The following LYPLAL1 variants were observed in gnomAD, a reference collection of about 807,000 sequenced individuals.
The protein encoded by LYPLAL1 is lysophospholipase-like protein 1.
In LYPLAL1, 23 loss-of-function variants were observed where a neutral mutation model predicts 19.7. The ratio of observed to expected loss-of-function variants is 1.17; its 90% CI spans 0.84 to 1.65. The LOEUF (loss-of-function observed/expected upper bound fraction) is 1.65, where lower values mean the gene tolerates loss of function less well. Among genes scored for constraint, LYPLAL1 ranks in the 40% most tolerant of loss-of-function variants. The probability of loss-of-function intolerance (pLI) is 0.00; values close to 1 mark genes in which losing one functional copy is unlikely to be tolerated. For missense variants in LYPLAL1, 355 were observed against 279.4 expected, an observed-to-expected ratio of 1.27 and a Z score of -1.93; for synonymous variants, 119 against 96.3, an observed-to-expected ratio of 1.24 and a Z score of -1.38.
chr1:219,335,546 A>G, the LYPLAL1 span, among the ~76,000 whole-genome samples: 1 of 151,986 alleles, frequency 6.6e-6, no homozygotes, highest in Non-Finnish European at 1.5e-5. Context: ...TGGTAAGAGA[A>G]AAAATGGGGT....
the LYPLAL1 span, among the ~76,000 whole-genome samples, chr1:219,396,030 G>A: frequency 6.6e-6 from 1 of 151,536 alleles, no homozygotes; most frequent in Non-Finnish European, 1.5e-5. Flanking sequence ...GTGAACCTGG[G>A]AGGTAGAGCT....
At chr1:219,395,962 G>T in the LYPLAL1 span, among the ~76,000 whole-genome samples, 1 of 151,986 alleles carries the variant, frequency 6.6e-6, no homozygotes, top group Non-Finnish European at 1.5e-5. Context: ...AATTAGCCGG[G>T]CATGGTGGCG....
At chr1:219,422,591 G>T in the LYPLAL1 span, among the ~76,000 whole-genome samples, 1 of 152,028 alleles carries the variant, frequency 6.6e-6, no homozygotes, top group Non-Finnish European at 1.5e-5. Context: ...AATAGCTTGA[G>T]CCCAACCATT....
the LYPLAL1 span, among the ~76,000 whole-genome samples, chr1:219,339,247 C>A: frequency 1.3e-5 from 2 of 151,994 alleles, no homozygotes; most frequent in South Asian, 2.1e-4. Context: ...GACTGAGTCC[C>A]AGATCCTCTT....
the LYPLAL1 span, among the ~76,000 whole-genome samples, chr1:219,345,424 C>T: frequency 6.6e-6 from 1 of 152,122 alleles, no homozygotes; most frequent in Admixed American, 6.5e-5. Flanking sequence ...GCTGCTGCTG[C>T]TTGTGATGAA....
chr1:219,438,353 T>C, the LYPLAL1 span, among the ~76,000 whole-genome samples: 6,645 of 152,246 alleles, frequency 0.044, 230 homozygotes, highest in African/African-American at 0.098. Context: ...TCATTATATT[T>C]CTTAAGGTAG....
chr1:219,202,447 T>G (rs1658190837), intron 3 of LYPLAL1, among the ~76,000 whole-genome samples: 1 of 152,180 alleles, frequency 6.6e-6, no homozygotes. Flanking sequence ...TCCCTCTTTC[T>G]TTTTCATTGC....
chr1:219,277,456 C>T, the LYPLAL1 span, among the ~76,000 whole-genome samples: 1 of 152,086 alleles, frequency 6.6e-6, no homozygotes, highest in Non-Finnish European at 1.5e-5. Flanking sequence ...GGGTTTAGAA[C>T]TCATTTCACT....
the LYPLAL1 span, among the ~76,000 whole-genome samples, chr1:219,231,852 T>C: frequency 8.5e-5 from 13 of 152,344 alleles, no homozygotes; most frequent in African/African-American, 2.9e-4. Flanking sequence ...AAAGGCTATG[T>C]CAAATAACTA....
chr1:219,316,017 G>C, the LYPLAL1 span, among the ~76,000 whole-genome samples: 1 of 152,084 alleles, frequency 6.6e-6, no homozygotes, highest in Non-Finnish European at 1.5e-5. Context: ...TACGTATAAG[G>C]ACAAACCTAT....
rs375664243 is a variant in LYPLAL1 at position 219,173,935 on chromosome 1, G to T, written c.45G>T (p.Ser15=). 3 of 1,613,900 alleles carry T rather than the reference G, an allele frequency of 1.9e-6. No individual in the cohort carries two copies. Among genetic ancestry groups the T allele is most frequent in the Non-Finnish European group, 2.5e-6 (3 of 1,179,962 alleles). ...SGSVLQRCIV[S]PAGRHSASLI... ...CGGTTCTGCAGCGCTGTATCGTGTC[G>T]CCGGCAGGGAGGCATAGCGCCTCTC... is the stretch of plus-strand genomic sequence containing the variant. The change falls in exon 1 of 5, where the codon TCG becomes TCT. Residue 15 remains serine (S), a synonymous_variant. Coordinates refer to ENST00000366928, the MANE Select transcript of LYPLAL1 (RefSeq NM_138794.5).
chr1:219,212,882 A>G (rs372325743), downstream of LYPLAL1: 1 of 152,032 alleles, frequency 6.6e-6, no homozygotes, highest in East Asian at 1.9e-4. Flanking sequence ...GCATCGACCT[A>G]TGTTATTTTT....
the LYPLAL1 span, among the ~76,000 whole-genome samples, chr1:219,437,552 T>A: frequency 1.3e-5 from 2 of 151,988 alleles, no homozygotes; most frequent in Admixed American, 6.6e-5. Context: ...ATAGGAGGGA[T>A]CTCACATAGA....
chr1:219,211,636 A>G lies in LYPLAL1; in HGVS notation c.622A>G (p.Asn208Asp), dbSNP rs774144709. 1.8e-5 allele frequency: 29 copies of G among 1,613,376 alleles called. No homozygotes were observed. Among genetic ancestry groups the G allele is most frequent in the African/African-American group, 2.7e-5 (2 of 74,902 alleles). Reference sequence around the variant, plus strand: ...GACCACGAAGTTTCATAGTTTTCCAAATGTTTACCATGAGCTAAGCAAAAC... The same window carrying G: ...GACCACGAAGTTTCATAGTTTTCCAGATGTTTACCATGAGCTAAGCAAAAC... ...GVTTKFHSFP[N>D]VYHELSKTEL... Residue 208 changes from asparagine to aspartate, a missense_variant, in exon 5 of 5, where the codon AAT becomes GAT. Asn to Asp is a conservative substitution (Grantham distance 23, BLOSUM62 1). Coordinates refer to ENST00000366928, the MANE Select transcript of LYPLAL1 (RefSeq NM_138794.5).
chr1:219,252,969 T>C, the LYPLAL1 span, among the ~76,000 whole-genome samples: 2 of 152,076 alleles, frequency 1.3e-5, no homozygotes, highest in Non-Finnish European at 2.9e-5. Context: ...GAGTTTCTTA[T>C]TGGTCTTTTC....
At chr1:219,351,236 T>C in the LYPLAL1 span, among the ~76,000 whole-genome samples, 1 of 152,072 alleles carries the variant, frequency 6.6e-6, no homozygotes, top group Non-Finnish European at 1.5e-5. Context: ...TACACACATA[T>C]ACACTTTCTC....
the LYPLAL1 span, among the ~76,000 whole-genome samples, chr1:219,293,740 AT>A: frequency 6.6e-6 from 1 of 152,240 alleles, no homozygotes; most frequent in Non-Finnish European, 1.5e-5. Flanking sequence ...ATATTAAAAA[AT>A]AGCTTAGGTA....
the LYPLAL1 span, among the ~76,000 whole-genome samples, chr1:219,251,549 AT>A: frequency 0.47 from 70,552 of 151,288 alleles, 16,787 homozygotes; most frequent in East Asian, 0.66. Flanking sequence ...TTCCCCACTG[AT>A]TTTTTTTTGT....
At chr1:219,405,329 C>T in the LYPLAL1 span, among the ~76,000 whole-genome samples, 18 of 152,226 alleles carry the variant, frequency 1.2e-4, no homozygotes, top group East Asian at 3.5e-3. Flanking sequence ...GTGTCAGTGA[C>T]CTAGCATAAA....
Sources: gnomAD v4.1 joint callset for allele counts (sites outside exome capture counted in the v4.1 genomes callset) on GRCh38, gnomAD v4.1.1 for gene constraint, MANE v1.5 for transcripts, NCBI Gene and HGNC (gene_info 2026-07-23, HGNC 2026-07-21) for gene names.